The following DPP10 variants were observed in gnomAD, a reference collection of about 807,000 sequenced individuals.
DPP10 encodes inactive dipeptidyl peptidase 10.
DPP10 carries 33 observed loss-of-function variants against 120.9 expected under a neutral mutation model. The observed-to-expected ratio is 0.27, with a 90% CI of 0.21 to 0.37. DPP10 has a LOEUF of 0.37. Among genes scored for constraint, DPP10 ranks in the 10% least tolerant of loss-of-function variants. DPP10 has a pLI of 1.00. For missense variants in DPP10, 816 were observed against 942.8 expected, an observed-to-expected ratio of 0.87 and a Z score of 1.76; for synonymous variants, 337 against 326.1, an observed-to-expected ratio of 1.03 and a Z score of -0.36.
chr2:114,874,016 G>A (rs1382633495), intron 1 of DPP10, among the ~76,000 whole-genome samples: 2 of 152,154 alleles, frequency 1.3e-5, no homozygotes, highest in Admixed American at 6.5e-5. Context: ...GGCAGATAAA[G>A]TGGCTGCATT....
intron 3 of DPP10, among the ~76,000 whole-genome samples, chr2:115,380,592 A>G (rs2066243888): frequency 1.3e-5 from 2 of 151,126 alleles, no homozygotes; most frequent in Non-Finnish European, 2.9e-5. Context: ...TGATCCTGTC[A>G]TTATGATGTT....
At chr2:115,468,143 C>T (rs369726688) in intron 3 of DPP10, 15 of 493,134 alleles carry the variant, frequency 3.0e-5, no homozygotes, top group African/African-American at 1.4e-4. Flanking sequence ...TGGCACCAAC[C>T]TTGACTTCTA....
Position 115,722,129 on chromosome 2 carries a change from G to A in DPP10, c.577-5687G>A, listed in dbSNP as rs372108419. Among the ~76,000 whole-genome samples the A allele has an allele frequency of 7.9e-5, 12 of 152,068 alleles. No homozygotes were observed. The South Asian group carries it at 1.7e-3, about 21-fold the overall frequency. On this transcript the variant is annotated intron_variant, in intron 7 of 25. Transcript: ENST00000410059. Reference sequence around the variant, plus strand: ...GAAAATGGGAAGTTACTAATCAACCGACACAGAATTTCAGTTGAGTGAGAT... The same window carrying A: ...GAAAATGGGAAGTTACTAATCAACCAACACAGAATTTCAGTTGAGTGAGAT...
At chr2:115,382,243 C>T (rs186376874) in intron 3 of DPP10, among the ~76,000 whole-genome samples, 45 of 152,020 alleles carry the variant, frequency 3.0e-4, no homozygotes, top group African/African-American at 8.5e-4. Context: ...GAGCCATGTG[C>T]GGGATATAAT....
chr2:114,456,731 G>A (rs1226444829), intron 1 of DPP10, among the ~76,000 whole-genome samples: 16 of 152,146 alleles, frequency 1.1e-4, no homozygotes, highest in Non-Finnish European at 2.2e-4. Context: ...AATATTTCAG[G>A]CATTTAAAGT....
intron 1 of DPP10, among the ~76,000 whole-genome samples, chr2:114,746,848 T>G (rs1678627288): frequency 6.6e-6 from 1 of 152,212 alleles, no homozygotes; most frequent in Admixed American, 6.5e-5. Flanking sequence ...TTTCTTCAGC[T>G]GCCTCATGCC....
chr2:115,299,557 G>A (rs566917557), intron 1 of DPP10, among the ~76,000 whole-genome samples: 133 of 151,948 alleles, frequency 8.8e-4, no homozygotes, highest in Non-Finnish European at 1.4e-3. Flanking sequence ...TGAAAGTCTT[G>A]TGGGAAAATA....
chr2:115,672,726 C>CTT (rs1358336551), intron 5 of DPP10, among the ~76,000 whole-genome samples: 1,782 of 78,024 alleles, frequency 0.023, 35 homozygotes, highest in African/African-American at 0.06. Flanking sequence ...CTTTCTCTTT[C>CTT]TCTCTTTCTC....
At chr2:115,149,846 A>C (rs2051438440) in intron 1 of DPP10, among the ~76,000 whole-genome samples, 1 of 152,308 alleles carries the variant, frequency 6.6e-6, no homozygotes, top group East Asian at 1.9e-4. Context: ...GTGTATCTGA[A>C]ACTCAAATTT....
chr2:114,593,564 C>T (rs1169774119), intron 1 of DPP10, among the ~76,000 whole-genome samples: 4 of 152,238 alleles, frequency 2.6e-5, no homozygotes, highest in Middle Eastern at 3.4e-3. Context: ...TAATATTCAT[C>T]GCAGTCGGTC....
intron 24 of DPP10, 146 bp from the exon 25 acceptor site, chr2:115,840,604 G>A (rs773714932): frequency 2.8e-5 from 21 of 742,212 alleles, no homozygotes; most frequent in East Asian, 1.2e-4. Flanking sequence ...GATTACAGGC[G>A]TGAGCCACCG....
chr2:115,462,277 C>T (rs544472459), intron 3 of DPP10, among the ~76,000 whole-genome samples: 84 of 152,156 alleles, frequency 5.5e-4, no homozygotes, highest in Non-Finnish European at 1.0e-3. Context: ...CTTGACACTT[C>T]CTGGATCCAT....
chr2:115,248,393 G>C (rs2058624468), intron 1 of DPP10, among the ~76,000 whole-genome samples: 1 of 152,012 alleles, frequency 6.6e-6, no homozygotes, highest in Non-Finnish European at 1.5e-5. Context: ...TTCTTTAGAA[G>C]ATATTTCTTT....
At chr2:115,710,949 G>A (rs940346431) in intron 7 of DPP10, among the ~76,000 whole-genome samples, 8 of 152,016 alleles carry the variant, frequency 5.3e-5, no homozygotes, top group Non-Finnish European at 1.0e-4. Flanking sequence ...AGTTTTTAAA[G>A]AATAAGAAGT....
intron 1 of DPP10, among the ~76,000 whole-genome samples, chr2:114,828,006 A>G (rs1686719291): frequency 6.6e-6 from 1 of 152,182 alleles, no homozygotes; most frequent in South Asian, 2.1e-4. Flanking sequence ...TGTAGAAAAA[A>G]ACAGCATTTA....
At chr2:115,170,532 A>G (rs1281345290) in intron 1 of DPP10, among the ~76,000 whole-genome samples, 1 of 152,208 alleles carries the variant, frequency 6.6e-6, no homozygotes, top group African/African-American at 2.4e-5. Flanking sequence ...GAAATTATGA[A>G]TAGATTTTCT....
At chr2:115,083,695 T>A (rs1217732245) in intron 1 of DPP10, among the ~76,000 whole-genome samples, 1 of 152,234 alleles carries the variant, frequency 6.6e-6, no homozygotes, top group African/African-American at 2.4e-5. Context: ...GAGCATTTGC[T>A]ACAGTGAATT....
chr2:114,518,652 C>T (rs1255966136), intron 1 of DPP10, among the ~76,000 whole-genome samples: 1 of 152,208 alleles, frequency 6.6e-6, no homozygotes, highest in Non-Finnish European at 1.5e-5. Context: ...TTGGCATCAC[C>T]TGGGAGATTG....
chr2:114,747,148 T>C (rs1001258797), intron 1 of DPP10, among the ~76,000 whole-genome samples: 1 of 152,170 alleles, frequency 6.6e-6, no homozygotes, highest in Non-Finnish European at 1.5e-5. Flanking sequence ...TGAGGGAGAA[T>C]GATGAGTCTG....
Sources: gnomAD v4.1 joint callset for allele counts (sites outside exome capture counted in the v4.1 genomes callset) on GRCh38, gnomAD v4.1.1 for gene constraint, MANE v1.5 for transcripts, NCBI Gene and HGNC (gene_info 2026-07-23, HGNC 2026-07-21) for gene names.